The following PPP2R5C variants were observed in gnomAD, a reference collection of about 807,000 sequenced individuals.
PPP2R5C encodes the protein protein phosphatase 2 regulatory subunit B'gamma.
Under a neutral mutation model 68.9 loss-of-function variants are expected in PPP2R5C, and 7 were observed. The ratio of observed to expected loss-of-function variants is 0.10; its 90% CI spans 0.06 to 0.19. The LOEUF (loss-of-function observed/expected upper bound fraction) is 0.19. Among genes scored for constraint, PPP2R5C ranks in the 10% least tolerant of loss-of-function variants. PPP2R5C has a pLI of 1.00. For synonymous variants in PPP2R5C, 210 were observed against 222.2 expected (o/e 0.95, Z 0.49); for missense variants, 348 against 641.3 (o/e 0.54, Z 4.94).
At chr14:101,770,574 C>G (rs1176060059) in intron 2 of PPP2R5C, among the ~76,000 whole-genome samples, 4 of 152,158 alleles carry the variant, frequency 2.6e-5, no homozygotes, top group Non-Finnish European at 5.9e-5. Context: ...TTATGGAGTT[C>G]CAGAAAGCAC....
chr14:101,781,743 C>T lies in PPP2R5C; in HGVS notation c.94-4275C>T, dbSNP rs950258314. On this transcript the variant is annotated intron_variant, in intron 2 of 14. Transcript: ENST00000328724. The surrounding 1 kb of genome is among the most constrained non-coding windows in gnomAD (Gnocchi z 6.4). ...GGCCACCCGGGGAAGAAGCGGAGGA[C>T]GCCGATCTGGCCTCCTGCGTTGCGC... Among the ~76,000 whole-genome samples, 3 of 152,022 alleles carry T rather than the reference C, an allele frequency of 2.0e-5. No homozygotes were observed. The highest frequency in any genetic ancestry group is 1.9e-4 in the East Asian group (1 of 5,144).
intron 1 of PPP2R5C, chr14:101,843,776 G>T: frequency 4.5e-6 from 1 of 224,638 alleles, no homozygotes; most frequent in East Asian, 1.1e-4. Context: ...GTGGAACCTT[G>T]CTGCCACCTC....
Position 101,891,643 on chromosome 14 carries a change from G to A in PPP2R5C, c.689+1347G>A, listed in dbSNP as rs1254318354. On this transcript the variant is annotated intron_variant, in intron 6 of 13. Coordinates refer to ENST00000334743, the Ensembl canonical transcript of PPP2R5C. This position sits in a 1 kb window ranked among gnomAD's most constrained non-coding sequence, Gnocchi z 4.9. ...GGCCGCCGGGCAGCTCCCGCCGAGA[G>A]GCTGATTAGTTTTATCCTTCTTCCA... Among the ~76,000 whole-genome samples the A allele has an allele frequency of 6.6e-6, 1 of 152,214 alleles. No homozygotes were observed. The highest frequency in any genetic ancestry group is 1.5e-5 in the Non-Finnish European group (1 of 68,038).
At chr14:101,785,673 C>G (rs1376858761) in intron 2 of PPP2R5C, among the ~76,000 whole-genome samples, 1 of 152,228 alleles carries the variant, frequency 6.6e-6, no homozygotes, top group Non-Finnish European at 1.5e-5. Flanking sequence ...TGCAGAGTCC[C>G]TGTCGCCAAG....
At chr14:101,904,385 A>G (rs1014864505) in intron 9 of PPP2R5C, among the ~76,000 whole-genome samples, 2 of 151,766 alleles carry the variant, frequency 1.3e-5, no homozygotes, top group Non-Finnish European at 2.9e-5. Context: ...CCTGACCTCA[A>G]GTGATCCACC....
intron 1 of PPP2R5C, among the ~76,000 whole-genome samples, chr14:101,814,702 G>C (rs2039556048): frequency 6.6e-6 from 1 of 152,178 alleles, no homozygotes; most frequent in Admixed American, 6.5e-5. Flanking sequence ...TCAAGAATAG[G>C]GTGTGTGTTT....
chr14:101,795,347 GT>G (rs2140111477), intron 3 of PPP2R5C, among the ~76,000 whole-genome samples: 1 of 152,216 alleles, frequency 6.6e-6, no homozygotes, highest in South Asian at 2.1e-4. Flanking sequence ...TCATGTAAAA[GT>G]TGTAGTTATT....
intron 11 of PPP2R5C, among the ~76,000 whole-genome samples, chr14:101,910,825 G>A (rs1181401113): frequency 2.6e-5 from 4 of 151,200 alleles, no homozygotes; most frequent in South Asian, 2.1e-4. Flanking sequence ...AAAAAAGGCC[G>A]GGCATGGTGG....
intron 3 of PPP2R5C, among the ~76,000 whole-genome samples, chr14:101,793,808 A>G (rs1305296216): frequency 6.6e-6 from 1 of 152,214 alleles, no homozygotes; most frequent in Non-Finnish European, 1.5e-5. Flanking sequence ...TTTATTGCCA[A>G]TGAAAGTGGC....
At chr14:101,830,383 G>C (rs2040664325) in intron 1 of PPP2R5C, among the ~76,000 whole-genome samples, 1 of 152,208 alleles carries the variant, frequency 6.6e-6, no homozygotes, top group Non-Finnish European at 1.5e-5. Context: ...ATTCAGAACT[G>C]TAAACAAATG....
intron 2 of PPP2R5C, among the ~76,000 whole-genome samples, chr14:101,864,768 G>C (rs758180279): frequency 6.6e-6 from 1 of 152,154 alleles, no homozygotes; most frequent in Admixed American, 6.5e-5. Flanking sequence ...TGGAGCTCCC[G>C]ATTGGGTGGG....
At chr14:101,853,149 T>G (rs1286894864) in intron 1 of PPP2R5C, among the ~76,000 whole-genome samples, 2 of 152,074 alleles carry the variant, frequency 1.3e-5, no homozygotes, top group Non-Finnish European at 2.9e-5. Context: ...GTTGTTAAAT[T>G]AACTTGTATT....
At chr14:101,901,625 A>G in intron 8 of PPP2R5C, 94 bp from the exon 11 acceptor site, 1 of 1,265,070 alleles carries the variant, frequency 7.9e-7, no homozygotes, top group Non-Finnish European at 1.1e-6. Flanking sequence ...GTTGCCTTGC[A>G]GTGGGGCCAC....
At chr14:101,851,959 A>C (rs960022749) in intron 1 of PPP2R5C, among the ~76,000 whole-genome samples, 1 of 152,096 alleles carries the variant, frequency 6.6e-6, no homozygotes, top group African/African-American at 2.4e-5. Flanking sequence ...TCTGTAATTG[A>C]GGTACATGTT....
intron 2 of PPP2R5C, among the ~76,000 whole-genome samples, chr14:101,871,109 T>C (rs1255053101): frequency 6.6e-6 from 1 of 152,224 alleles, no homozygotes; most frequent in Non-Finnish European, 1.5e-5. Flanking sequence ...TTCTGACTAG[T>C]GTTGGCATGG....
At chr14:101,811,528 A>C (rs1239245833) in intron 1 of PPP2R5C, among the ~76,000 whole-genome samples, 3 of 151,984 alleles carry the variant, frequency 2.0e-5, no homozygotes, top group African/African-American at 7.3e-5. Context: ...TTTTTTGTAG[A>C]GATGGGGTTT....
At chr14:101,814,483 C>G (rs1202007667) in intron 1 of PPP2R5C, among the ~76,000 whole-genome samples, 2 of 152,308 alleles carry the variant, frequency 1.3e-5, no homozygotes, top group East Asian at 3.9e-4. Context: ...CTTAAACACA[C>G]ACACATTTAT....
At chr14:101,821,452 GGTGTGTGTGTGTGT>G (rs71116851) in intron 1 of PPP2R5C, among the ~76,000 whole-genome samples, 1 of 121,354 alleles carries the variant, frequency 8.2e-6, no homozygotes, top group Non-Finnish European at 1.7e-5. Flanking sequence ...TGGGTGGGTG[GGTGTGTGTGTGTGT>G]GTGTGTGTGT....
At chr14:101,921,329 G>A in intron 13 of PPP2R5C, 1 of 156,136 alleles carries the variant, frequency 6.4e-6, no homozygotes, top group Non-Finnish European at 1.4e-5. Context: ...CTCCCAAAGT[G>A]CTGGGATTAT....
Sources: allele counts gnomAD v4.1 joint callset (sites outside exome capture counted in the v4.1 genomes callset), GRCh38; gene constraint gnomAD v4.1.1; non-coding constraint Gnocchi (gnomAD v3.1); transcripts MANE v1.5; gene names NCBI Gene and HGNC (gene_info 2026-07-23, HGNC 2026-07-21).